The following RGS7 variants were observed in gnomAD, a reference collection of about 807,000 sequenced individuals.
RGS7 encodes the protein regulator of G-protein signaling 7.
In RGS7, 27 loss-of-function variants were observed where a neutral mutation model predicts 81.1. The observed-to-expected ratio is 0.33, with a 90% CI of 0.25 to 0.46. The LOEUF (loss-of-function observed/expected upper bound fraction) is 0.46, where lower values mean the gene tolerates loss of function less well. Among genes scored for constraint, RGS7 ranks in the 20% least tolerant of loss-of-function variants. The pLI, the probability that RGS7 is intolerant of heterozygous loss-of-function variation, is 1.00. For missense variants in RGS7, 396 were observed against 607.4 expected (o/e 0.65, Z 3.66); for synonymous variants, 208 against 207.7 (o/e 1.00, Z -0.01).
intron 3 of RGS7, among the ~76,000 whole-genome samples, chr1:241,051,237 G>A (rs1029141422): frequency 6.6e-6 from 1 of 152,150 alleles, no homozygotes; most frequent in African/African-American, 2.4e-5. Flanking sequence ...TTATCTGTCT[G>A]AAACCTTAAT....
intron 9 of RGS7, among the ~76,000 whole-genome samples, chr1:240,832,795 A>G (rs1694066456): frequency 6.6e-6 from 1 of 152,160 alleles, no homozygotes; most frequent in South Asian, 2.1e-4. Context: ...GCACCATCAA[A>G]TAGAGCTGAT....
chr1:241,054,336 A>G (rs2061384705), intron 3 of RGS7, among the ~76,000 whole-genome samples: 1 of 152,182 alleles, frequency 6.6e-6, no homozygotes, highest in Non-Finnish European at 1.5e-5. Context: ...CACAGAAGGC[A>G]GCCAAACTCC....
chr1:240,936,559 G>A (rs1427142396), intron 5 of RGS7, 41 bp downstream of exon 5: 8 of 1,427,174 alleles, frequency 5.6e-6, no homozygotes, highest in Non-Finnish European at 7.9e-6. Flanking sequence ...CGAAATGCGG[G>A]CTTCTAGTTT....
intron 2 of RGS7, among the ~76,000 whole-genome samples, chr1:241,223,862 T>A (rs1442867059): frequency 6.6e-6 from 1 of 152,024 alleles, no homozygotes; most frequent in Non-Finnish European, 1.5e-5. Flanking sequence ...GTTGCTATTA[T>A]CATGTAGGTG....
chr1:241,353,675 A>G (rs1463823799), intron 2 of RGS7, among the ~76,000 whole-genome samples: 1 of 152,154 alleles, frequency 6.6e-6, no homozygotes, highest in Non-Finnish European at 1.5e-5. Flanking sequence ...AAAGCTAATA[A>G]AAGAAGGGAA....
chr1:241,329,761 G>C (rs1272251334), intron 2 of RGS7, among the ~76,000 whole-genome samples: 1 of 152,072 alleles, frequency 6.6e-6, no homozygotes, highest in Non-Finnish European at 1.5e-5. Context: ...TAGGAACTTA[G>C]GTGAAATCCT....
intron 2 of RGS7, among the ~76,000 whole-genome samples, chr1:241,128,395 C>T (rs1044690868): frequency 2.6e-5 from 4 of 152,022 alleles, no homozygotes; most frequent in Admixed American, 2.6e-4. Flanking sequence ...ACCAGCCTGG[C>T]CAACATGGTA....
intron 2 of RGS7, among the ~76,000 whole-genome samples, chr1:241,190,038 G>A (rs1044465945): frequency 6.6e-6 from 1 of 152,066 alleles, no homozygotes; most frequent in South Asian, 2.1e-4. Context: ...GGGAGGCGGA[G>A]CTTGCAGTGA....
intron 9 of RGS7, among the ~76,000 whole-genome samples, chr1:240,864,935 A>G (rs1433330885): frequency 1.3e-5 from 2 of 151,838 alleles, no homozygotes; most frequent in East Asian, 1.9e-4. Flanking sequence ...CTGCATTTGC[A>G]TTATCTGTTT....
At chr1:240,939,430 A>G (rs551642890) in intron 4 of RGS7, among the ~76,000 whole-genome samples, 1 of 152,350 alleles carries the variant, frequency 6.6e-6, no homozygotes, top group Non-Finnish European at 1.5e-5. Flanking sequence ...CACGTTCATC[A>G]ACATCATCTT....
intron 2 of RGS7, among the ~76,000 whole-genome samples, chr1:241,333,651 C>A (rs889007999): frequency 6.6e-6 from 1 of 152,150 alleles, no homozygotes; most frequent in African/African-American, 2.4e-5. Context: ...TTTTACTACA[C>A]ATAATGGTCA....
chr1:241,054,079 T>C (rs1175055286), intron 3 of RGS7, among the ~76,000 whole-genome samples: 5 of 152,180 alleles, frequency 3.3e-5, no homozygotes, highest in Non-Finnish European at 7.3e-5. Context: ...ACCCAATAAA[T>C]ATGCATGAAT....
chr1:240,971,481 T>C (rs1683201704), intron 4 of RGS7, among the ~76,000 whole-genome samples: 1 of 152,158 alleles, frequency 6.6e-6, no homozygotes, highest in Non-Finnish European at 1.5e-5. Context: ...ATGAAATAAG[T>C]AGAACTACAT....
intron 9 of RGS7, among the ~76,000 whole-genome samples, chr1:240,856,029 T>C (rs1299790740): frequency 6.6e-6 from 1 of 152,230 alleles, no homozygotes; most frequent in Non-Finnish European, 1.5e-5. Context: ...CTAGTTTATG[T>C]GAAATCATGA....
At chr1:240,929,791 C>T (rs1034263792) in intron 6 of RGS7, among the ~76,000 whole-genome samples, 3 of 152,124 alleles carry the variant, frequency 2.0e-5, no homozygotes, top group Non-Finnish European at 4.4e-5. Flanking sequence ...CCAGTTCTCT[C>T]GCAAAATCAT....
At chr1:241,267,225 C>T (rs919687225) in intron 2 of RGS7, among the ~76,000 whole-genome samples, 1 of 152,172 alleles carries the variant, frequency 6.6e-6, no homozygotes, top group African/African-American at 2.4e-5. Flanking sequence ...GTGCTCCTGG[C>T]TGCCTGAGAT....
chr1:240,786,903 T>C (rs1685169947), intron 18 of RGS7, among the ~76,000 whole-genome samples: 1 of 151,986 alleles, frequency 6.6e-6, no homozygotes, highest in East Asian at 1.9e-4. Flanking sequence ...ATGCAACAAA[T>C]ATTTTTTATA....
intron 2 of RGS7, among the ~76,000 whole-genome samples, chr1:241,101,950 T>A (rs2064774225): frequency 1.3e-5 from 2 of 152,180 alleles, no homozygotes; most frequent in African/African-American, 4.8e-5. Flanking sequence ...TCTCAGTTCA[T>A]GGGATCCCAA....
intron 3 of RGS7, among the ~76,000 whole-genome samples, chr1:241,065,384 C>T (rs537584078): frequency 3.3e-5 from 5 of 151,746 alleles, no homozygotes; most frequent in African/African-American, 1.2e-4. Context: ...AAATTTACCC[C>T]CACCCCTTCC....
Sources: gnomAD v4.1 joint callset for allele counts (sites outside exome capture counted in the v4.1 genomes callset) on GRCh38, gnomAD v4.1.1 for gene constraint, MANE v1.5 for transcripts, NCBI Gene and HGNC (gene_info 2026-07-23, HGNC 2026-07-21) for gene names.